STRA8: variants seen among roughly 807,000 people sequenced by gnomAD.
STRA8 encodes the protein stimulated by retinoic acid 8.
In STRA8, 18 loss-of-function variants were observed where a neutral mutation model predicts 37.1. That is an observed-to-expected ratio of 0.48 (90% CI 0.34 to 0.72). STRA8 has a LOEUF of 0.72. STRA8 is among the 30% of genes least tolerant of loss of function. STRA8 has a pLI of 0.01. For missense variants in STRA8, 357 were observed against 410.4 expected (o/e 0.87, Z 1.13); for synonymous variants, 168 against 162.9 (o/e 1.03, Z -0.24).
chr7:135,257,161 G>A (rs557167532), intron 8 of STRA8, among the ~76,000 whole-genome samples: 7 of 152,234 alleles, frequency 4.6e-5, no homozygotes, highest in South Asian at 2.1e-4. Context: ...TGTGGAGGTC[G>A]TCCCCACTAT....
intron 7 of STRA8, among the ~76,000 whole-genome samples, chr7:135,252,931 T>TA (rs113301624): frequency 2.8e-4 from 42 of 151,924 alleles, no homozygotes; most frequent in Middle Eastern, 6.8e-3. Flanking sequence ...CCTCTTTCTT[T>TA]AAAAAAATTT....
At chr7:135,254,609 A>T (rs1306811797) in intron 7 of STRA8, among the ~76,000 whole-genome samples, 2 of 152,204 alleles carry the variant, frequency 1.3e-5, no homozygotes, top group African/African-American at 2.4e-5. Context: ...GCTTATGGTG[A>T]CATAAGCTCG....
intron 1 of STRA8, among the ~76,000 whole-genome samples, chr7:135,239,870 T>G (rs547635339): frequency 6.6e-6 from 1 of 152,250 alleles, no homozygotes; most frequent in Admixed American, 6.5e-5. Flanking sequence ...GTAAAGTGAA[T>G]TTTCTTATTT....
At chr7:135,237,890 T>TCAAAACAAAAAA (rs1444023727) in intron 1 of STRA8, among the ~76,000 whole-genome samples, 2 of 149,074 alleles carry the variant, frequency 1.3e-5, no homozygotes, top group African/African-American at 5.0e-5. Flanking sequence ...AGACTCCATC[T>TCAAAACAAAAAA]CAAAACAAAA....
chr7:135,251,614 C>A (rs892703903), intron 6 of STRA8, among the ~76,000 whole-genome samples, 182 bp from the exon 7 acceptor site: 1 of 152,020 alleles, frequency 6.6e-6, no homozygotes, highest in African/African-American at 2.4e-5. Flanking sequence ...TAGAGTTTAG[C>A]ATTTACCCCC....
chr7:135,237,130 T>C (rs981169533), intron 1 of STRA8, among the ~76,000 whole-genome samples: 6 of 152,136 alleles, frequency 3.9e-5, no homozygotes, highest in East Asian at 1.9e-4. Flanking sequence ...GATGGTATTA[T>C]AGATGGAAGA....
At chr7:135,233,339 G>A (rs570046527), upstream of STRA8, among the ~76,000 whole-genome samples, 10 of 151,776 alleles carry the variant, frequency 6.6e-5, no homozygotes, top group East Asian at 1.8e-3. Flanking sequence ...CCTTTTATGC[G>A]TTTATTTCCT....
rs76364019 is a variant in STRA8 at position 135,253,576 on chromosome 7, G to A, written c.954-1538G>A. Among the ~76,000 whole-genome samples the A allele has an allele frequency of 4.9e-4, 74 of 152,292 alleles. No individual in the cohort carries two copies. The East Asian group carries it at 0.01, about 21-fold the overall frequency. ...TCATGGTGCTGATGGGAACGGATAT[G>A]GAAGGAGGGGAGAAAAGGATAGCTG... On this transcript the variant is annotated intron_variant, in intron 7 of 8. Transcript: ENST00000662584.
intron 1 of STRA8, among the ~76,000 whole-genome samples, 40 bp downstream of exon 1, chr7:135,233,943 T>A (rs1231678071): frequency 6.6e-6 from 1 of 152,196 alleles, no homozygotes; most frequent in Non-Finnish European, 1.5e-5. Flanking sequence ...AAAGGTGCCC[T>A]TGGGCATATG....
Position 135,251,862 on chromosome 7 carries a change from A to T in STRA8, c.946A>T (p.Ser316Cys), listed in dbSNP as rs1326656733. ...CAAAAGTGAGGTTCCGAGTACATCT[A>T]GCTCCAGGTGAGGAAGAGGGTGTGA... The part of the protein sequence containing the change: ...LDKSEVPSTS[S>C]SSSVLASCNP... Residue 316 changes from serine (S) to cysteine (C), a missense_variant, in exon 7 of 9, where the codon AGC (serine) becomes TGC (cysteine). Ser to Cys is a moderately radical substitution (Grantham distance 112). Coordinates refer to ENST00000662584, the MANE Select transcript of STRA8 (RefSeq NM_001394401.1). 6.2e-7 allele frequency: 1 copy of T among 1,614,094 alleles called. No individual in the cohort carries two copies. Among genetic ancestry groups the T allele is most frequent in the Admixed American group, 1.7e-5 (1 of 60,030 alleles).
intron 1 of STRA8, among the ~76,000 whole-genome samples, chr7:135,236,714 C>G (rs1360952690): frequency 2.6e-5 from 4 of 152,174 alleles, no homozygotes. Context: ...TAGGGTGGAA[C>G]TAAGATGTTA....
chr7:135,242,734 T>C (rs1478702053), intron 2 of STRA8, 47 bp from the exon 3 acceptor site: 2 of 1,598,002 alleles, frequency 1.3e-6, no homozygotes, highest in Non-Finnish European at 1.7e-6. Context: ...AAAATCAGTC[T>C]CTGCAGTGAG....
intron 6 of STRA8, among the ~76,000 whole-genome samples, chr7:135,248,203 G>A (rs1308409281): frequency 6.6e-6 from 1 of 152,246 alleles, no homozygotes; most frequent in Non-Finnish European, 1.5e-5. Context: ...GAACGACAGA[G>A]ATGTCACCCA....
chr7:135,244,823 T>C (rs1281340833), intron 4 of STRA8, among the ~76,000 whole-genome samples: 1 of 152,202 alleles, frequency 6.6e-6, no homozygotes, highest in Non-Finnish European at 1.5e-5. Flanking sequence ...CTTGCCTTAC[T>C]GGACTGTCTA....
At chr7:135,249,470 G>A (rs1045121290) in intron 6 of STRA8, among the ~76,000 whole-genome samples, 1 of 152,170 alleles carries the variant, frequency 6.6e-6, no homozygotes, top group Non-Finnish European at 1.5e-5. Context: ...TGTAACCCCA[G>A]CTACTCTGGA....
intron 6 of STRA8, among the ~76,000 whole-genome samples, chr7:135,250,775 A>G (rs1832624818): frequency 1.3e-5 from 2 of 152,246 alleles, no homozygotes; most frequent in African/African-American, 4.8e-5. Flanking sequence ...CATGATTCAA[A>G]ACATTCTTAT....
At chr7:135,236,573 G>T (rs1832381562) in intron 1 of STRA8, among the ~76,000 whole-genome samples, 1 of 152,050 alleles carries the variant, frequency 6.6e-6, no homozygotes, top group African/African-American at 2.4e-5. Flanking sequence ...AGTTTTCCAA[G>T]TCTGGATAGG....
chr7:135,244,349 C>T (rs754526052), intron 4 of STRA8, among the ~76,000 whole-genome samples: 16 of 152,342 alleles, frequency 1.1e-4, no homozygotes, highest in South Asian at 1.0e-3. Context: ...TGAGCTACCA[C>T]GCCCAGCTGA....
intron 5 of STRA8, among the ~76,000 whole-genome samples, 59 bp downstream of exon 5, chr7:135,245,586 G>A (rs1832539547): frequency 6.6e-6 from 1 of 152,190 alleles, no homozygotes; most frequent in African/African-American, 2.4e-5. Context: ...CCATGGGGAA[G>A]GGGACAGAGG....
Sources: allele counts gnomAD v4.1 joint callset (sites outside exome capture counted in the v4.1 genomes callset), GRCh38; gene constraint gnomAD v4.1.1; transcripts MANE v1.5; gene names NCBI Gene and HGNC (gene_info 2026-07-23, HGNC 2026-07-21).